C12orf42: variants seen among roughly 807,000 people sequenced by gnomAD.
C12orf42 encodes uncharacterized protein C12orf42.
A neutral mutation model predicts 21.6 loss-of-function variants in C12orf42; 25 were observed. The ratio of observed to expected loss-of-function variants is 1.16; its 90% CI spans 0.84 to 1.62. C12orf42 has a LOEUF of 1.62. C12orf42 is among the 40% of genes most tolerant of loss of function. The pLI, the probability that C12orf42 is intolerant of heterozygous loss-of-function variation, is 0.00. For synonymous variants in C12orf42, 174 were observed against 175.0 expected (o/e 0.99, Z 0.05); for missense variants, 483 against 459.3 (o/e 1.05, Z -0.47).
intron 1 of C12orf42, among the ~76,000 whole-genome samples, chr12:103,488,938 C>A (rs998977770): frequency 6.6e-6 from 1 of 152,212 alleles, no homozygotes; most frequent in Non-Finnish European, 1.5e-5. Context: ...CCTTCTGAAG[C>A]CTACTTCTGT....
intron 2 of C12orf42, among the ~76,000 whole-genome samples, chr12:103,416,781 G>T (rs913750849): frequency 6.6e-6 from 1 of 152,102 alleles, no homozygotes; most frequent in Non-Finnish European, 1.5e-5. Context: ...CAATGACCTT[G>T]AGAACTGACA....
the C12orf42 span, among the ~76,000 whole-genome samples, chr12:103,509,846 C>A: frequency 3.3e-5 from 5 of 152,194 alleles, no homozygotes; most frequent in African/African-American, 4.8e-5. Context: ...TCAAAAAAAT[C>A]AAAAAATAAT....
At chr12:103,231,133 T>C in the C12orf42 span, among the ~76,000 whole-genome samples, 1 of 152,246 alleles carries the variant, frequency 6.6e-6, no homozygotes, top group Admixed American at 6.5e-5. Context: ...TGACATATAA[T>C]GTTTTCGATG....
At chr12:103,154,572 G>A in the C12orf42 span, among the ~76,000 whole-genome samples, 1 of 152,024 alleles carries the variant, frequency 6.6e-6, no homozygotes, top group Admixed American at 6.6e-5. Flanking sequence ...CAGTAACATG[G>A]AAAATACTTA....
the C12orf42 span, among the ~76,000 whole-genome samples, chr12:103,216,135 A>G: frequency 3.3e-5 from 5 of 152,014 alleles, no homozygotes; most frequent in African/African-American, 1.2e-4. Context: ...ACTAAGATAA[A>G]TTTTCTCTCT....
At chr12:103,351,305 A>C (rs1183424139) in intron 4 of C12orf42, among the ~76,000 whole-genome samples, 2 of 152,126 alleles carry the variant, frequency 1.3e-5, no homozygotes, top group African/African-American at 4.8e-5. Flanking sequence ...CCTGTAACCT[A>C]TCCAACTGTT....
chr12:103,349,763 C>CA (rs1177011613), intron 4 of C12orf42, among the ~76,000 whole-genome samples: 1 of 152,052 alleles, frequency 6.6e-6, no homozygotes, highest in East Asian at 1.9e-4. Context: ...TTTTTATTCA[C>CA]ATGGAAATAC....
At chr12:103,169,422 CA>C in the C12orf42 span, among the ~76,000 whole-genome samples, 198 of 140,040 alleles carry the variant, frequency 1.4e-3, no homozygotes, top group Middle Eastern at 7.4e-3. Flanking sequence ...TTCTTAAACT[CA>C]AAAAAAAAAA....
chr12:103,294,718 C>T (rs4764731), intron 4 of C12orf42, among the ~76,000 whole-genome samples: 12,571 of 152,010 alleles, frequency 0.083, 517 homozygotes, highest in East Asian at 0.18. Flanking sequence ...TTCACAAAGA[C>T]CTTGGACTCT....
intron 2 of C12orf42, among the ~76,000 whole-genome samples, chr12:103,407,921 G>A (rs947962624): frequency 3.9e-5 from 6 of 152,186 alleles, no homozygotes; most frequent in Non-Finnish European, 8.8e-5. Context: ...GCTGAGACTG[G>A]ACCAAGGGAA....
chr12:103,082,779 A>C, the C12orf42 span, among the ~76,000 whole-genome samples: 92 of 152,376 alleles, frequency 6.0e-4, 1 homozygote, highest in African/African-American at 2.1e-3. Context: ...TGATCAAAGA[A>C]GCTGTTACTG....
the C12orf42 span, among the ~76,000 whole-genome samples, chr12:103,525,058 C>A: frequency 6.6e-6 from 1 of 152,058 alleles, no homozygotes; most frequent in Non-Finnish European, 1.5e-5. Flanking sequence ...TGCTCTGTCA[C>A]CCAGGCTGCA....
chr12:103,273,425 C>T (rs1002851374), intron 5 of C12orf42, among the ~76,000 whole-genome samples: 3 of 152,018 alleles, frequency 2.0e-5, no homozygotes, highest in African/African-American at 7.2e-5. Context: ...TAAGAATAAA[C>T]ACAGCATTGT....
chr12:103,534,590 C>A, the C12orf42 span, among the ~76,000 whole-genome samples: 1 of 152,078 alleles, frequency 6.6e-6, no homozygotes, highest in African/African-American at 2.4e-5. Flanking sequence ...AAAGATACAG[C>A]AATGAAAGGA....
At chr12:103,171,677 A>T in the C12orf42 span, among the ~76,000 whole-genome samples, 71,676 of 151,440 alleles carry the variant, frequency 0.47, 17,135 homozygotes, top group East Asian at 0.61. Context: ...GTATTGAAGT[A>T]TGGGACTCCA....
At chr12:103,397,646 G>A (rs1407312545) in intron 3 of C12orf42, 2 of 152,178 alleles carry the variant, frequency 1.3e-5, no homozygotes, top group Non-Finnish European at 2.9e-5. Context: ...AAATGTTGGG[G>A]ACAACTGCTT....
At chr12:103,323,440 G>C (rs540087816) in intron 4 of C12orf42, among the ~76,000 whole-genome samples, 1 of 152,208 alleles carries the variant, frequency 6.6e-6, no homozygotes, top group African/African-American at 2.4e-5. Context: ...AACTTACAGT[G>C]TAGCTATGTC....
chr12:103,195,739 T>G, the C12orf42 span, among the ~76,000 whole-genome samples: 2 of 152,180 alleles, frequency 1.3e-5, no homozygotes, highest in Non-Finnish European at 2.9e-5. Flanking sequence ...GTAGGTCATC[T>G]GTTTACTCTG....
chr12:103,286,629 G>C (rs1440874328), intron 4 of C12orf42, among the ~76,000 whole-genome samples: 1 of 151,630 alleles, frequency 6.6e-6, no homozygotes. Flanking sequence ...TTTTGCAATA[G>C]AGAGGAAAAA....
Sources: gnomAD v4.1 joint callset for allele counts (sites outside exome capture counted in the v4.1 genomes callset) on GRCh38, gnomAD v4.1.1 for gene constraint, MANE v1.5 for transcripts, NCBI Gene and HGNC (gene_info 2026-07-23, HGNC 2026-07-21) for gene names.